VPS35: variants seen among roughly 807,000 people sequenced by gnomAD.
The protein encoded by VPS35 is VPS35 retromer complex component.
Under a neutral mutation model 98.1 loss-of-function variants are expected in VPS35, and 21 were observed. The ratio of observed to expected loss-of-function variants is 0.21; its 90% CI spans 0.15 to 0.31. The LOEUF (loss-of-function observed/expected upper bound fraction) is 0.31, where lower values mean the gene tolerates loss of function less well. Ranked by LOEUF, VPS35 falls within the 10% of genes least tolerant of loss-of-function variation. The probability of loss-of-function intolerance (pLI) is 1.00; values close to 1 mark genes in which losing one functional copy is unlikely to be tolerated. For missense variants in VPS35, 554 were observed against 950.8 expected (o/e 0.58, Z 5.49); for synonymous variants, 268 against 318.2 (o/e 0.84, Z 1.68).
At chr16:46,668,806 G>GA in intron 13 of VPS35, 124 bp downstream of exon 13, 3 of 1,374,406 alleles carry the variant, frequency 2.2e-6, no homozygotes. Flanking sequence ...GCGAAAATGG[G>GA]ATTTTATTAT....
At chr16:46,685,867 T>A (rs557338018) in intron 1 of VPS35, among the ~76,000 whole-genome samples, 1 of 152,170 alleles carries the variant, frequency 6.6e-6, no homozygotes, top group African/African-American at 2.4e-5. Context: ...TTATGATACA[T>A]CTGGATATTT....
intron 2 of VPS35, chr16:46,682,447 T>C (rs909969152): frequency 1.1e-4 from 43 of 376,700 alleles, no homozygotes; most frequent in Admixed American, 2.7e-4. Context: ...CTATAGAGAC[T>C]AGGAAACTAG....
At chr16:46,685,578 A>C (rs1288498758) in intron 1 of VPS35, among the ~76,000 whole-genome samples, 2 of 152,198 alleles carry the variant, frequency 1.3e-5, no homozygotes, top group Admixed American at 6.5e-5. Flanking sequence ...ACTTAAAGGG[A>C]ACATGAATTT....
At chr16:46,672,117 T>G (rs1966078402) in intron 11 of VPS35, 148 bp downstream of exon 11, 4 of 763,022 alleles carry the variant, frequency 5.2e-6, no homozygotes, top group Admixed American at 5.4e-5. Flanking sequence ...TCTTTATACA[T>G]CTCCAATTTT....
At chr16:46,688,400 T>C (rs377291762) in intron 1 of VPS35, 286 of 986,974 alleles carry the variant, frequency 2.9e-4, no homozygotes, top group Non-Finnish European at 3.4e-4. Context: ...GCTGCCGTCA[T>C]AGACGGGCCC....
chr16:46,687,069 C>G (rs1966328185), intron 1 of VPS35, among the ~76,000 whole-genome samples: 1 of 152,178 alleles, frequency 6.6e-6, no homozygotes, highest in Admixed American at 6.5e-5. Flanking sequence ...GCAATAAGCA[C>G]TTAATAAGTG....
chr16:46,676,222 G>A (rs1966151006), intron 8 of VPS35, among the ~76,000 whole-genome samples: 1 of 152,050 alleles, frequency 6.6e-6, no homozygotes, highest in Admixed American at 6.6e-5. Flanking sequence ...TAAATCAAAT[G>A]AGTTCCCACT....
In VPS35 at chr16:46,677,461, T is replaced by C. The variant is rs138458977; in HGVS notation, c.721-63A>G. 1.8e-5 allele frequency: 25 copies of C among 1,354,882 alleles called. No individual in the cohort carries two copies. In the East Asian group the frequency reaches 5.1e-4, roughly 27 times the overall value. 83.9% of individuals were successfully genotyped at this position (1,354,882 alleles called of 1,614,324 possible). ...TTTTCAAAATCTTAAGCTATTCCTC[T>C]AGTAACGCATTTGAACTACTAACTT... is the stretch of plus-strand genomic sequence containing the variant. On this transcript the variant is annotated intron_variant, in intron 6 of 16. Coordinates refer to ENST00000299138, the MANE Select transcript of VPS35 (RefSeq NM_018206.6).
At chr16:46,680,907 T>A in intron 4 of VPS35, 54 bp from the exon 5 acceptor site, 1 of 1,559,480 alleles carries the variant, frequency 6.4e-7, no homozygotes, top group Non-Finnish European at 8.8e-7. Context: ...AAATCAAGAA[T>A]TTATTTCCAA....
chr16:46,683,537 C>G lies in VPS35; in HGVS notation c.73G>C (p.Val25Leu). ...LLDEAIQAVK[V>L]QSFQMKRCLD... ...CATCTCTTCATTTGGAATGACTGGA[C>G]CTTCACAGCCTGTATGGCTTCATCC... The change falls in exon 2 of 17, where the codon GTC becomes CTC. Residue 25 changes from valine to leucine, a missense_variant. Around this residue, in one of 5 missense-constraint regions of VPS35, gnomAD observed 67 missense variants for 103.3 expected, o/e 0.65. Coordinates refer to ENST00000299138, the MANE Select transcript of VPS35 (RefSeq NM_018206.6). 1 of 1,613,962 alleles carries G rather than the reference C, an allele frequency of 6.2e-7. No individual in the cohort carries two copies. The highest frequency in any genetic ancestry group is 1.1e-5 in the South Asian group (1 of 91,060).
chr16:46,679,976 G>GA (rs1477839556), intron 5 of VPS35, among the ~76,000 whole-genome samples: 1 of 151,826 alleles, frequency 6.6e-6, no homozygotes, highest in African/African-American at 2.4e-5. Flanking sequence ...GGGGCAAACT[G>GA]AAAAAAGATT....
intron 13 of VPS35, among the ~76,000 whole-genome samples, chr16:46,663,862 A>ATTTTTTCTTTTT (rs1965949444): frequency 3.5e-5 from 1 of 28,676 alleles, no homozygotes; most frequent in African/African-American, 1.3e-4. Flanking sequence ...CACCTGGCTA[A>ATTTTTTCTTTTT]TTTTTTTTTT....
intron 7 of VPS35, 79 bp from the exon 8 acceptor site, chr16:46,676,771 T>TG (rs1183281860): frequency 2.8e-6 from 3 of 1,067,192 alleles, no homozygotes; most frequent in Non-Finnish European, 2.9e-6. Flanking sequence ...TTCACATTTG[T>TG]GGGAAAAAAA....
chr16:46,664,593 C>A (rs1412150529), intron 13 of VPS35, among the ~76,000 whole-genome samples: 1 of 151,596 alleles, frequency 6.6e-6, no homozygotes, highest in African/African-American at 2.4e-5. Context: ...ATGATCTCAG[C>A]TCGCCACAAC....
chr16:46,666,290 C>T (rs1365491840), intron 13 of VPS35, among the ~76,000 whole-genome samples: 16 of 141,136 alleles, frequency 1.1e-4, no homozygotes, highest in African/African-American at 4.2e-4. Flanking sequence ...TTTTTTTAGA[C>T]GGAGTTTCAC....
intron 12 of VPS35, among the ~76,000 whole-genome samples, chr16:46,670,849 A>C (rs1202218188): frequency 6.6e-6 from 1 of 152,202 alleles, no homozygotes; most frequent in East Asian, 1.9e-4. Flanking sequence ...AACTACAATG[A>C]AGAAAGTCAA....
chr16:46,679,187 T>C, intron 5 of VPS35, 31 bp from the exon 6 acceptor site: 1 of 1,555,870 alleles, frequency 6.4e-7, no homozygotes, highest in Non-Finnish European at 8.7e-7. Context: ...CTTTACACAG[T>C]ATTTACAGGA....
intron 13 of VPS35, among the ~76,000 whole-genome samples, 195 bp from the exon 14 acceptor site, chr16:46,663,357 C>A (rs1965940974): frequency 6.6e-6 from 1 of 152,160 alleles, no homozygotes; most frequent in African/African-American, 2.4e-5. Context: ...GGTTAAATTG[C>A]CTTTGCAATG....
chr16:46,660,622 G>A lies in VPS35; in HGVS notation c.2241C>T (p.Ile747=), dbSNP rs140543776. Residue 747 remains isoleucine (I), a synonymous_variant, in exon 17 of 17, where the codon ATC becomes ATT. Transcript: ENST00000299138. ...AVTIQVLNQL[I]QKIREDLPNL... ...TCGGGAGGTCTTCTCGAATCTTTTG[G>A]ATAAGCTGGTTTAAAACCTGAATTG... 2,156 of 1,613,774 alleles carry A rather than the reference G, an allele frequency of 1.3e-3. 3 individuals are homozygous for A. Among genetic ancestry groups the A allele is most frequent in the Non-Finnish European group, 1.2e-3 (1,383 of 1,179,964 alleles).
Sources: gnomAD v4.1 joint callset for allele counts (sites outside exome capture counted in the v4.1 genomes callset) on GRCh38, gnomAD v4.1.1 for gene constraint, gnomAD v4.1.1 regional missense constraint, MANE v1.5 for transcripts, NCBI Gene and HGNC (gene_info 2026-07-23, HGNC 2026-07-21) for gene names.